The following GLRA1 variants were observed in gnomAD, a reference collection of about 807,000 sequenced individuals.
GLRA1 encodes the protein glycine receptor alpha 1.
GLRA1 carries 37 observed loss-of-function variants against 48.3 expected under a neutral mutation model. The observed-to-expected ratio is 0.77, with a 90% CI of 0.59 to 1.01. The LOEUF is 1.01. GLRA1 is among the 50% of genes least tolerant of loss of function. The pLI is 0.00. For synonymous variants in GLRA1, 196 were observed against 210.7 expected, an observed-to-expected ratio of 0.93 and a Z score of 0.60; for missense variants, 427 against 571.0, an observed-to-expected ratio of 0.75 and a Z score of 2.57.
At chr5:151,889,160 A>G (rs1318271634) in intron 2 of GLRA1, among the ~76,000 whole-genome samples, 1 of 152,240 alleles carries the variant, frequency 6.6e-6, no homozygotes, top group Non-Finnish European at 1.5e-5. Flanking sequence ...AAAGGATCCT[A>G]TGGGAAGGTG....
chr5:151,855,936 G>A (rs1210621257), intron 5 of GLRA1, among the ~76,000 whole-genome samples: 6 of 152,114 alleles, frequency 3.9e-5, no homozygotes, highest in African/African-American at 9.7e-5. Context: ...ATCACTTGCC[G>A]CCCTTTAGTA....
At chr5:151,857,197 C>T (rs1437237484) in intron 4 of GLRA1, among the ~76,000 whole-genome samples, 1 of 152,236 alleles carries the variant, frequency 6.6e-6, no homozygotes, top group Non-Finnish European at 1.5e-5. Flanking sequence ...GACAAAGCCC[C>T]CGATGGCTGC....
intron 8 of GLRA1, among the ~76,000 whole-genome samples, chr5:151,827,406 G>C (rs1763301936): frequency 6.6e-6 from 1 of 152,116 alleles, no homozygotes; most frequent in Non-Finnish European, 1.5e-5. Context: ...TCAGATTGCT[G>C]ATGTTTAAGA....
rs1027833022 is a variant in GLRA1 at position 151,919,571 on chromosome 5, A to G, written c.56+4923T>C. ...CTATACCTCGATGTGGCTATTTCTT[A>G]TAATAATTGAAATACACTTCAATAG... On this transcript the variant is annotated intron_variant, in intron 1 of 8. Transcript: ENST00000274576. 3.3e-5 allele frequency among the ~76,000 whole-genome samples: 5 copies of G among 152,352 alleles called. No homozygotes were observed. The East Asian group carries it at 9.6e-4, about 29-fold the overall frequency.
rs1297899786 is a variant in GLRA1 at position 151,924,520 on chromosome 5, G to A, written c.30C>T (p.Tyr10=). 1.2e-6 allele frequency: 2 copies of A among 1,604,384 alleles called. No homozygotes were observed. Among genetic ancestry groups the A allele is most frequent in the Admixed American group, 3.3e-5 (2 of 60,026 alleles). The stretch of plus-strand genomic sequence containing the variant: ...TGAAGAATACAATGGTCTCCCAAAG[G>A]TAGAGTCGAAGAGTATTGAAGCTGT... MYSFNTLRL[Y]LWETIVFFSL... The change falls in exon 1 of 9, where the codon TAC becomes TAT. Residue 10 remains tyrosine (Y), a synonymous_variant. Transcript: ENST00000274576.
chr5:151,848,424 T>G (rs1752736439), intron 7 of GLRA1, among the ~76,000 whole-genome samples: 1 of 152,204 alleles, frequency 6.6e-6, no homozygotes, highest in Non-Finnish European at 1.5e-5. Context: ...TGGAGTGCAG[T>G]GGCACCATCT....
intron 3 of GLRA1, among the ~76,000 whole-genome samples, chr5:151,883,811 G>A (rs887769813): frequency 1.3e-5 from 2 of 152,160 alleles, no homozygotes; most frequent in Non-Finnish European, 2.9e-5. Context: ...AGATCACAGA[G>A]CTGAGCCTCA....
intron 7 of GLRA1, among the ~76,000 whole-genome samples, chr5:151,849,464 C>CTTTCCTTTCCTTTCCT (rs1561555203): frequency 1.4e-4 from 4 of 29,550 alleles, no homozygotes; most frequent in East Asian, 1.6e-3. Flanking sequence ...TCCTTCCTTC[C>CTTTCCTTTCCTTTCCT]TTCCTTCCTT....
At chr5:151,831,602 T>C (rs2113295517) in intron 7 of GLRA1, among the ~76,000 whole-genome samples, 2 of 152,254 alleles carry the variant, frequency 1.3e-5, no homozygotes, top group South Asian at 4.1e-4. Context: ...GTCTCTAGAT[T>C]CCTCCTCTCT....
At chr5:151,905,810 T>C (rs1754460354) in intron 1 of GLRA1, among the ~76,000 whole-genome samples, 1 of 152,208 alleles carries the variant, frequency 6.6e-6, no homozygotes, top group African/African-American at 2.4e-5. Context: ...TGACTCACAT[T>C]GCCCATGAAA....
Position 151,859,826 on chromosome 5 carries a change from C to T in GLRA1, c.435G>A (p.Leu145=), listed in dbSNP as rs143377552. Residue 145 remains leucine (L), a synonymous_variant, in exon 4 of 9, where the codon TTG becomes TTA. Transcript: ENST00000274576. ...CATTCCCATTCCGGGAGATCCTTAG[C>T]AATTTGTTGTCTGTGGTGATCTCAT... is the stretch of plus-strand genomic sequence containing the variant. ...HFHEITTDNK[L]LRISRNGNVL... 2 of 1,613,852 alleles carry T rather than the reference C, an allele frequency of 1.2e-6. No individual in the cohort carries two copies. Among genetic ancestry groups the T allele is most frequent in the African/African-American group, 2.7e-5 (2 of 74,864 alleles).
intron 7 of GLRA1, among the ~76,000 whole-genome samples, chr5:151,838,400 C>T (rs1763627565): frequency 6.6e-6 from 1 of 152,006 alleles, no homozygotes; most frequent in African/African-American, 2.4e-5. Context: ...ACACAGGAGG[C>T]AGAGATTGTA....
chr5:151,903,984 C>T (rs547800946), intron 1 of GLRA1, among the ~76,000 whole-genome samples: 3 of 152,310 alleles, frequency 2.0e-5, no homozygotes, highest in African/African-American at 4.8e-5. Flanking sequence ...GCTAAAACAG[C>T]TCACTCAATT....
At chr5:151,911,060 A>C (rs1754596938) in intron 1 of GLRA1, among the ~76,000 whole-genome samples, 1 of 152,198 alleles carries the variant, frequency 6.6e-6, no homozygotes, top group South Asian at 2.1e-4. Flanking sequence ...CCATTGGGAG[A>C]GAATAGGGCA....
chr5:151,909,106 AAT>A (rs1234931119), intron 1 of GLRA1, among the ~76,000 whole-genome samples: 1 of 152,226 alleles, frequency 6.6e-6, no homozygotes, highest in African/African-American at 2.4e-5. Flanking sequence ...GTAGGTTCTA[AAT>A]ATATGTTATT....
chr5:151,872,408 C>T lies in GLRA1; in HGVS notation c.253-12400G>A, dbSNP rs1243134220. 4.7e-5 allele frequency among the ~76,000 whole-genome samples: 7 copies of T among 149,478 alleles called. 1 individual carries two copies. The highest frequency in any genetic ancestry group is 1.8e-4 in the African/African-American group (7 of 38,908). On this transcript the variant is annotated intron_variant, in intron 3 of 8. Coordinates refer to ENST00000274576, the MANE Select transcript of GLRA1 (RefSeq NM_000171.4). ...TGAAAATAAAAAAGCTTGATAATAC[C>T]TTGGGTTGGCAAGGATGAAGAGAAA...
chr5:151,841,870 A>G (rs1240420123), intron 7 of GLRA1, among the ~76,000 whole-genome samples: 1 of 152,144 alleles, frequency 6.6e-6, no homozygotes, highest in Admixed American at 6.5e-5. Context: ...CAGTCTGGCC[A>G]ACATGGAGAA....
chr5:151,848,253 C>A (rs1021567117), intron 7 of GLRA1, among the ~76,000 whole-genome samples: 1 of 152,180 alleles, frequency 6.6e-6, no homozygotes, highest in Non-Finnish European at 1.5e-5. Context: ...AATCTGCTTT[C>A]CTTTTGGGAG....
chr5:151,885,033 T>C lies in GLRA1; in HGVS notation c.252+1688A>G, dbSNP rs552718445. Among the ~76,000 whole-genome samples the C allele has an allele frequency of 3.3e-5, 5 of 152,310 alleles. No individual in the cohort carries two copies. The South Asian group carries it at 1.0e-3, about 32-fold the overall frequency. ...AAGTGGGACCATCTCCATTTGGAGATAAGAGGCCTGTTACTTTAGGGAGTT... is the reference window on the plus strand; with the variant it reads ...AAGTGGGACCATCTCCATTTGGAGACAAGAGGCCTGTTACTTTAGGGAGTT... On this transcript the variant is annotated intron_variant, in intron 3 of 8. Coordinates refer to ENST00000274576, the MANE Select transcript of GLRA1 (RefSeq NM_000171.4).
Sources: gnomAD v4.1 joint callset for allele counts (sites outside exome capture counted in the v4.1 genomes callset) on GRCh38, gnomAD v4.1.1 for gene constraint, MANE v1.5 for transcripts, NCBI Gene and HGNC (gene_info 2026-07-23, HGNC 2026-07-21) for gene names.